The following MTCL1 variants were observed in gnomAD, a reference collection of about 807,000 sequenced individuals.
MTCL1 encodes the protein microtubule crosslinking factor 1, also known as microtubule cross-linking factor 1.
In MTCL1, 79 loss-of-function variants were observed where a neutral mutation model predicts 141.4. The ratio of observed to expected loss-of-function variants is 0.56; its 90% CI spans 0.47 to 0.67. MTCL1 has a LOEUF of 0.67. Ranked by LOEUF, MTCL1 falls within the 30% of genes least tolerant of loss-of-function variation. MTCL1 has a pLI of 0.00. For synonymous variants in MTCL1, 914 were observed against 875.8 expected (o/e 1.04, Z -0.77); for missense variants, 2,177 against 2,113.9 (o/e 1.03, Z -0.59).
At chr18:8,750,178 C>T (rs942418197) in intron 4 of MTCL1, among the ~76,000 whole-genome samples, 1 of 152,056 alleles carries the variant, frequency 6.6e-6, no homozygotes, top group African/African-American at 2.4e-5. Context: ...CACTGAGAAG[C>T]TGGGATTACA....
At chr18:8,824,102 G>A (rs1024988232) in intron 14 of MTCL1, among the ~76,000 whole-genome samples, 3 of 152,264 alleles carry the variant, frequency 2.0e-5, no homozygotes, top group African/African-American at 7.2e-5. Flanking sequence ...CCCCAGCCCC[G>A]TTCCTGACCA....
upstream of MTCL1, among the ~76,000 whole-genome samples, chr18:8,717,058 G>GT (rs2096133183): frequency 6.6e-6 from 1 of 152,174 alleles, no homozygotes; most frequent in Non-Finnish European, 1.5e-5. Flanking sequence ...CTTGGTGTTT[G>GT]TAAGTGTTCA....
At chr18:8,806,789 T>C in intron 10 of MTCL1, 104 bp from the exon 10 acceptor site, 1 of 632,606 alleles carries the variant, frequency 1.6e-6, no homozygotes, top group Non-Finnish European at 2.5e-6. Context: ...CAACAACACC[T>C]GGGAAACAGC....
In MTCL1 at chr18:8,718,688, G is replaced by A. The variant is rs368827602; in HGVS notation, c.198+40G>A. On this transcript the variant is annotated intron_variant, in intron 3 of 16. Coordinates refer to ENST00000359865, the Ensembl canonical transcript of MTCL1. ...GGTGCGTGCACCTCGCAAGGCTGCTGTGGACCGGCTGGCCACATGCACGTT... is the reference window on the plus strand; with the variant it reads ...GGTGCGTGCACCTCGCAAGGCTGCTATGGACCGGCTGGCCACATGCACGTT... 8.8e-6 allele frequency: 14 copies of A among 1,592,696 alleles called. No individual in the cohort carries two copies. The African/African-American group carries it at 1.6e-4, about 18-fold the overall frequency.
intron 4 of MTCL1, among the ~76,000 whole-genome samples, chr18:8,761,184 GA>G (rs2096430560): frequency 6.6e-6 from 1 of 152,134 alleles, no homozygotes; most frequent in Admixed American, 6.6e-5. Flanking sequence ...AGAGGAAAGA[GA>G]ATATATAGGG....
At chr18:8,721,614 C>T (rs566997607) in intron 4 of MTCL1, among the ~76,000 whole-genome samples, 1 of 152,114 alleles carries the variant, frequency 6.6e-6, no homozygotes, top group East Asian at 1.9e-4. Flanking sequence ...TCTTTCGGGT[C>T]CTTGCTGAGA....
At chr18:8,751,125 T>G (rs2148953458) in intron 4 of MTCL1, among the ~76,000 whole-genome samples, 1 of 152,342 alleles carries the variant, frequency 6.6e-6, no homozygotes, top group African/African-American at 2.4e-5. Flanking sequence ...TTTCCGCACA[T>G]GGACTGTGTC....
intron 4 of MTCL1, among the ~76,000 whole-genome samples, chr18:8,727,368 A>G (rs2096222598): frequency 6.6e-6 from 1 of 152,174 alleles, no homozygotes; most frequent in Admixed American, 6.5e-5. Flanking sequence ...AGAATTCCCT[A>G]TACTGTTTTC....
intron 1 of MTCL1, 130 bp downstream of exon 1, chr18:8,706,843 C>T: frequency 7.1e-7 from 1 of 1,399,724 alleles, no homozygotes; most frequent in Non-Finnish European, 9.3e-7. Flanking sequence ...GGTCCTACCC[C>T]CGCATTGTCA....
chr18:8,763,451 G>A (rs903967430), intron 4 of MTCL1, among the ~76,000 whole-genome samples: 3 of 152,228 alleles, frequency 2.0e-5, no homozygotes, highest in African/African-American at 7.2e-5. Flanking sequence ...TCATGTGCCT[G>A]TGAATCTGGC....
upstream of MTCL1, among the ~76,000 whole-genome samples, chr18:8,712,585 A>G (rs1422012803): frequency 6.6e-6 from 1 of 152,084 alleles, no homozygotes; most frequent in Non-Finnish European, 1.5e-5. Context: ...CTTTCCTGAC[A>G]TTCGCTGTCC....
chr18:8,786,110 T>TCCCCGCCCCCCCCCCCC lies in MTCL1; in HGVS notation c.1887+23_1887+24insGCCCCCCCCCCCCCCCC. On this transcript the variant is annotated intron_variant, in intron 7 of 16. Coordinates refer to ENST00000359865, the Ensembl canonical transcript of MTCL1. The stretch of plus-strand genomic sequence containing the variant: ...CCTGGAGGTCAGCGTGGGCAAGCAA[T>TCCCCGCCCCCCCCCCCC]CCCCCCCCCCCGCCCTCCCCCTCCT... 3.8e-6 allele frequency: 5 copies of TCCCCGCCCCCCCCCCCC among 1,310,346 alleles called. No individual in the cohort carries two copies. Among genetic ancestry groups the TCCCCGCCCCCCCCCCCC allele is most frequent in the Non-Finnish European group, 4.0e-6 (4 of 990,146 alleles). 81.2% of individuals were successfully genotyped at this position (1,310,346 alleles called of 1,614,324 possible). A position where few individuals can be genotyped will look rare whatever the true frequency, so the allele number is the denominator to read the frequency against.
chr18:8,817,345 G>GAA (rs2076690845), intron 12 of MTCL1, among the ~76,000 whole-genome samples: 2 of 149,666 alleles, frequency 1.3e-5, no homozygotes, highest in Non-Finnish European at 1.5e-5. Context: ...GAGGAGGAGA[G>GAA]AGCAGAGGGG....
intron 4 of MTCL1, among the ~76,000 whole-genome samples, chr18:8,775,437 G>A (rs1481197108): frequency 6.8e-6 from 1 of 147,618 alleles, no homozygotes; most frequent in East Asian, 2.0e-4. Flanking sequence ...GCTGCGCATG[G>A]TGGTGCACAC....
chr18:8,763,613 A>G (rs1351933539), intron 4 of MTCL1, among the ~76,000 whole-genome samples: 2 of 152,180 alleles, frequency 1.3e-5, no homozygotes, highest in Non-Finnish European at 2.9e-5. Context: ...TCACGCTTCT[A>G]CATATCCTTT....
chr18:8,746,142 A>G (rs987674167), intron 4 of MTCL1, among the ~76,000 whole-genome samples: 5 of 152,224 alleles, frequency 3.3e-5, no homozygotes, highest in African/African-American at 7.2e-5. Flanking sequence ...TTATCCATCA[A>G]TAAACACTTA....
chr18:8,784,550 C>A lies in MTCL1; in HGVS notation c.1438C>A (p.His480Asn), dbSNP rs1044390154. 3.7e-6 allele frequency: 6 copies of A among 1,607,262 alleles called. No individual in the cohort carries two copies. The highest frequency in any genetic ancestry group is 5.1e-6 in the Non-Finnish European group (6 of 1,176,166). The change falls in exon 6 of 17, where the codon CAT becomes AAT. Residue 480 changes from histidine (H) to asparagine (N), a missense_variant. By Grantham distance (68) the His-to-Asn change is moderately conservative. Coordinates refer to ENST00000359865, the Ensembl canonical transcript of MTCL1. ...CATCACGGACACCGACAGCTTCCTC[C>A]ATGATGCGGGGCTGCGGGGTGGTGC...
At chr18:8,742,112 G>A (rs1193733312) in intron 4 of MTCL1, among the ~76,000 whole-genome samples, 1 of 151,934 alleles carries the variant, frequency 6.6e-6, no homozygotes, top group Non-Finnish European at 1.5e-5. Flanking sequence ...TTCTAGATAG[G>A]ACAAAAAAAA....
intron 14 of MTCL1, among the ~76,000 whole-genome samples, chr18:8,823,580 G>A (rs562745305): frequency 2.0e-5 from 3 of 152,292 alleles, no homozygotes; most frequent in Admixed American, 6.5e-5. Flanking sequence ...CTTCCTTTCC[G>A]GCACTGGATA....
Sources: allele counts gnomAD v4.1 joint callset (sites outside exome capture counted in the v4.1 genomes callset), GRCh38; gene constraint gnomAD v4.1.1; transcripts MANE v1.5; gene names NCBI Gene and HGNC (gene_info 2026-07-23, HGNC 2026-07-21).